The following PKHD1 variants were observed in gnomAD, a reference collection of about 807,000 sequenced individuals.
PKHD1 encodes the protein PKHD1 ciliary IPT domain containing fibrocystin/polyductin.
A neutral mutation model predicts 412.0 loss-of-function variants in PKHD1; 291 were observed. The ratio of observed to expected loss-of-function variants is 0.71; its 90% CI spans 0.64 to 0.78. The LOEUF is 0.78. Among genes scored for constraint, PKHD1 ranks in the 30% least tolerant of loss-of-function variants. The pLI is 0.00. For synonymous variants in PKHD1, 1,777 were observed against 1,821.5 expected, an observed-to-expected ratio of 0.98 and a Z score of 0.62; for missense variants, 4,825 against 4,950.7, an observed-to-expected ratio of 0.97 and a Z score of 0.76.
At chr6:52,031,687 C>T (rs578254523) in intron 29 of PKHD1, among the ~76,000 whole-genome samples, 74 of 152,310 alleles carry the variant, frequency 4.9e-4, no homozygotes, top group African/African-American at 1.8e-3. Flanking sequence ...CATTTCATCT[C>T]AGCCTCACGG....
chr6:52,073,030 C>A (rs1041194174), intron 7 of PKHD1, among the ~76,000 whole-genome samples: 1 of 152,166 alleles, frequency 6.6e-6, no homozygotes, highest in Non-Finnish European at 1.5e-5. Flanking sequence ...GCTTTTAATA[C>A]CTGTGTCCAT....
chr6:52,074,574 G>T (rs1244088384), intron 6 of PKHD1, among the ~76,000 whole-genome samples: 1 of 152,204 alleles, frequency 6.6e-6, no homozygotes, highest in Non-Finnish European at 1.5e-5. Context: ...ACAAAAGACT[G>T]TAGAAATTAG....
chr6:51,801,654 T>TGTGTGTGTGTGTGTGTGTGTGAGA (rs751203950), intron 52 of PKHD1, among the ~76,000 whole-genome samples: 78 of 114,246 alleles, frequency 6.8e-4, no homozygotes, highest in Non-Finnish European at 9.2e-4. Flanking sequence ...TGTGTGTGTG[T>TGTGTGTGTGTGTGTGTGTGTGAGA]GAGAGAGAGA....
At chr6:51,679,926 G>A (rs1776404751) in intron 60 of PKHD1, among the ~76,000 whole-genome samples, 1 of 151,908 alleles carries the variant, frequency 6.6e-6, no homozygotes, top group Non-Finnish European at 1.5e-5. Context: ...TTATTCTCAG[G>A]ACTCTGGAGC....
intron 37 of PKHD1, among the ~76,000 whole-genome samples, chr6:51,929,778 A>G (rs1409673294): frequency 6.6e-6 from 1 of 152,184 alleles, no homozygotes; most frequent in Non-Finnish European, 1.5e-5. Flanking sequence ...TGTTCCTTGC[A>G]ATTGCACTCG....
intron 35 of PKHD1, among the ~76,000 whole-genome samples, chr6:51,989,929 A>G (rs1206139818): frequency 1.1e-3 from 102 of 91,874 alleles, no homozygotes; most frequent in African/African-American, 3.2e-3. Context: ...GGAAGGAAGG[A>G]AGGAAAGAAG....
At chr6:51,719,124 T>C (rs1006645643) in intron 60 of PKHD1, among the ~76,000 whole-genome samples, 1 of 152,144 alleles carries the variant, frequency 6.6e-6, no homozygotes, top group African/African-American at 2.4e-5. Context: ...ATATATTTAG[T>C]TTGAATATCA....
intron 34 of PKHD1, among the ~76,000 whole-genome samples, chr6:52,015,472 C>A (rs556270477): frequency 3.9e-5 from 6 of 152,294 alleles, no homozygotes; most frequent in Non-Finnish European, 5.9e-5. Context: ...CTCTCATCCC[C>A]ATTAAACTTT....
rs774761583 is a variant in PKHD1 at position 51,627,106 on chromosome 6, A to G, written c.11676T>C (p.Pro3892=). Residue 3892 remains proline, a synonymous_variant, in exon 66 of 67, where the codon CCT becomes CCC. Coordinates refer to ENST00000371117, the MANE Select transcript of PKHD1 (RefSeq NM_138694.4). ...TAGTCTGGGATTCAGGAATCTCTTC[A>G]GGTTTTGTTTCTGTATTAATGGAGA... ...LKRSKSRKTK[P]EEIPESQTNN... 6.2e-7 allele frequency: 1 copy of G among 1,611,916 alleles called. No homozygotes were observed. The highest frequency in any genetic ancestry group is 1.1e-5 in the South Asian group (1 of 91,028).
intron 37 of PKHD1, among the ~76,000 whole-genome samples, chr6:51,930,157 G>C (rs1218683410): frequency 6.6e-6 from 1 of 152,196 alleles, no homozygotes; most frequent in Non-Finnish European, 1.5e-5. Context: ...TGGATTGGCA[G>C]ACAGAGTGAT....
At chr6:51,721,363 C>A in intron 60 of PKHD1, 2 of 462,732 alleles carry the variant, frequency 4.3e-6, no homozygotes, top group Non-Finnish European at 5.6e-6. Flanking sequence ...GATAATATAC[C>A]TATATTATTA....
intron 35 of PKHD1, among the ~76,000 whole-genome samples, chr6:51,970,338 T>A (rs1035938177): frequency 6.6e-6 from 1 of 152,242 alleles, no homozygotes; most frequent in African/African-American, 2.4e-5. Flanking sequence ...TCCTTGCAGA[T>A]ACTGGATATT....
At chr6:51,623,053 T>C (rs968125950) in intron 66 of PKHD1, among the ~76,000 whole-genome samples, 7 of 152,158 alleles carry the variant, frequency 4.6e-5, no homozygotes, top group African/African-American at 1.7e-4. Context: ...ATTTCCCTGA[T>C]AGGGCTACCC....
intron 64 of PKHD1, among the ~76,000 whole-genome samples, chr6:51,636,595 A>G (rs1229019758): frequency 1.3e-5 from 2 of 151,744 alleles, no homozygotes; most frequent in East Asian, 3.9e-4. Context: ...CACACACAAA[A>G]CAACAAAAGA....
At chr6:51,862,208 T>A (rs947799837) in intron 48 of PKHD1, among the ~76,000 whole-genome samples, 1 of 152,224 alleles carries the variant, frequency 6.6e-6, no homozygotes, top group African/African-American at 2.4e-5. Flanking sequence ...AAATAAGGCA[T>A]GTGAGAGTAT....
At chr6:51,670,207 C>G (rs1774673966) in intron 60 of PKHD1, among the ~76,000 whole-genome samples, 1 of 151,178 alleles carries the variant, frequency 6.6e-6, no homozygotes, top group Non-Finnish European at 1.5e-5. Context: ...TCACTCAGGA[C>G]TTGCTTTATG....
At chr6:51,956,052 A>C (rs1791077892) in intron 36 of PKHD1, among the ~76,000 whole-genome samples, 2 of 152,044 alleles carry the variant, frequency 1.3e-5, no homozygotes, top group African/African-American at 4.8e-5. Flanking sequence ...ATTATAGACC[A>C]AGGGAAGACA....
chr6:52,000,484 C>T (rs1172057963), intron 35 of PKHD1, among the ~76,000 whole-genome samples: 5 of 152,132 alleles, frequency 3.3e-5, no homozygotes, highest in East Asian at 1.9e-4. Flanking sequence ...GAAAATTACA[C>T]ACAGTATTTA....
intron 50 of PKHD1, 95 bp downstream of exon 50, chr6:51,847,680 C>T: frequency 1.1e-6 from 1 of 923,166 alleles, no homozygotes; most frequent in Non-Finnish European, 1.8e-6. Flanking sequence ...CCTTTCAGTT[C>T]CTCAGCACTT....
Sources: allele counts gnomAD v4.1 joint callset (sites outside exome capture counted in the v4.1 genomes callset), GRCh38; gene constraint gnomAD v4.1.1; transcripts MANE v1.5; gene names NCBI Gene and HGNC (gene_info 2026-07-23, HGNC 2026-07-21).